The following HEMK2 variants were observed in gnomAD, a reference collection of about 807,000 sequenced individuals.
HEMK2 encodes HemK methyltransferase 2, ETF1 glutamine and histone H4 lysine.
At chr21:28,605,287 T>C in the HEMK2 span, among the ~76,000 whole-genome samples, 383 of 152,294 alleles carry the variant, frequency 2.5e-3, 3 homozygotes, top group African/African-American at 8.1e-3. Flanking sequence ...CTCAAATATA[T>C]TGAAAGCGGA....
At chr21:28,580,878 A>C in the HEMK2 span, among the ~76,000 whole-genome samples, 1 of 152,136 alleles carries the variant, frequency 6.6e-6, no homozygotes, top group Non-Finnish European at 1.5e-5. Context: ...AAATCCTGGG[A>C]AATCATGGGT....
the HEMK2 span, among the ~76,000 whole-genome samples, chr21:28,601,788 T>C: frequency 6.6e-6 from 1 of 152,326 alleles, no homozygotes; most frequent in East Asian, 1.9e-4. Context: ...CAGACTGTAT[T>C]TGTTGAATGA....
At chr21:28,630,049 A>C in the HEMK2 span, among the ~76,000 whole-genome samples, 7 of 152,180 alleles carry the variant, frequency 4.6e-5, no homozygotes, top group Non-Finnish European at 8.8e-5. Flanking sequence ...GTAATCAAGT[A>C]TATCTGACTC....
chr21:28,831,878 C>T, the HEMK2 span, among the ~76,000 whole-genome samples: 1 of 151,956 alleles, frequency 6.6e-6, no homozygotes, highest in African/African-American at 2.4e-5. Context: ...TTTTACTATA[C>T]GTACACAAGA....
At chr21:28,632,165 A>G in the HEMK2 span, among the ~76,000 whole-genome samples, 49 of 148,720 alleles carry the variant, frequency 3.3e-4, no homozygotes, top group African/African-American at 1.1e-3. Flanking sequence ...TATATTTCTG[A>G]AGAGCTCTAC....
chr21:28,865,723 G>A, the HEMK2 span, among the ~76,000 whole-genome samples: 9 of 152,014 alleles, frequency 5.9e-5, no homozygotes, highest in African/African-American at 2.2e-4. Flanking sequence ...TCCCTCTGCT[G>A]AATGCCCTCT....
At chr21:28,613,619 C>CTTTTT in the HEMK2 span, among the ~76,000 whole-genome samples, 1,016 of 82,692 alleles carry the variant, frequency 0.012, 233 homozygotes, top group African/African-American at 0.019. Flanking sequence ...TCTGCATATT[C>CTTTTT]TTTTTTTTTT....
chr21:28,593,546 T>C, the HEMK2 span, among the ~76,000 whole-genome samples: 1 of 152,162 alleles, frequency 6.6e-6, no homozygotes, highest in African/African-American at 2.4e-5. Context: ...TTCAGAGAAA[T>C]GGCTGATTCC....
the HEMK2 span, among the ~76,000 whole-genome samples, chr21:28,791,269 G>C: frequency 6.6e-6 from 1 of 152,152 alleles, no homozygotes; most frequent in Non-Finnish European, 1.5e-5. Flanking sequence ...GAGAATAACA[G>C]ATATGACTCT....
At chr21:28,832,370 T>C in the HEMK2 span, among the ~76,000 whole-genome samples, 218 of 152,196 alleles carry the variant, frequency 1.4e-3, 1 homozygote, top group African/African-American at 5.1e-3. Context: ...TTACCTGGAG[T>C]CTTCTTGTTC....
At chr21:28,809,235 T>C in the HEMK2 span, among the ~76,000 whole-genome samples, 1 of 152,076 alleles carries the variant, frequency 6.6e-6, no homozygotes, top group Admixed American at 6.6e-5. Flanking sequence ...GATAGAGGCA[T>C]AAAGTAAGCA....
At chr21:28,791,027 T>A in the HEMK2 span, among the ~76,000 whole-genome samples, 1 of 152,054 alleles carries the variant, frequency 6.6e-6, no homozygotes, top group Non-Finnish European at 1.5e-5. Flanking sequence ...AGAAACACCC[T>A]TGATTGACAG....
At chr21:28,862,645 CAAA>C in the HEMK2 span, among the ~76,000 whole-genome samples, 1 of 100,544 alleles carries the variant, frequency 9.9e-6, no homozygotes, top group South Asian at 2.7e-4. Context: ...GACTCCGTCT[CAAA>C]AAAAAAAAAA....
chr21:28,872,253 T>C, the HEMK2 span: 1 of 152,352 alleles, frequency 6.6e-6, no homozygotes, highest in Non-Finnish European at 1.5e-5. Context: ...GGGTCCTTCA[T>C]GCAGGTTTTA....
chr21:28,774,632 A>G, the HEMK2 span, among the ~76,000 whole-genome samples: 6 of 152,156 alleles, frequency 3.9e-5, no homozygotes, highest in Non-Finnish European at 7.4e-5. Flanking sequence ...AACTATTCAG[A>G]CTTCCCTTGA....
chr21:28,720,153 A>C, the HEMK2 span, among the ~76,000 whole-genome samples: 4 of 152,226 alleles, frequency 2.6e-5, no homozygotes, highest in African/African-American at 9.6e-5. Context: ...ATTGTTGGCC[A>C]TGAGTTCAAT....
At chr21:28,876,715 T>G in the HEMK2 span, among the ~76,000 whole-genome samples, 3 of 152,164 alleles carry the variant, frequency 2.0e-5, no homozygotes, top group Admixed American at 1.3e-4. Flanking sequence ...ATAAATGGCT[T>G]GCTTTGCAGT....
At chr21:28,680,624 C>T in the HEMK2 span, among the ~76,000 whole-genome samples, 1 of 152,088 alleles carries the variant, frequency 6.6e-6, no homozygotes, top group Non-Finnish European at 1.5e-5. Context: ...ACCAATATCC[C>T]TGATGAACAT....
At chr21:28,576,224 G>T in the HEMK2 span, among the ~76,000 whole-genome samples, 2 of 152,172 alleles carry the variant, frequency 1.3e-5, no homozygotes, top group Non-Finnish European at 2.9e-5. Flanking sequence ...ATGAGTTCCA[G>T]TTGCTCCATG....
Sources: gnomAD v4.1 joint callset for allele counts (sites outside exome capture counted in the v4.1 genomes callset) on GRCh38, gnomAD v4.1.1 for gene constraint, MANE v1.5 for transcripts, NCBI Gene and HGNC (gene_info 2026-07-23, HGNC 2026-07-21) for gene names.